Variants in HK3 observed in about 807,000 individuals in gnomAD.
The protein encoded by HK3 is hexokinase-3.
A neutral mutation model predicts 91.0 loss-of-function variants in HK3; 93 were observed. The observed-to-expected ratio is 1.02, with a 90% CI of 0.86 to 1.21. The LOEUF is 1.21. HK3 is among the 50% of genes most tolerant of loss of function. The pLI, the probability that HK3 is intolerant of heterozygous loss-of-function variation, is 0.00. For missense variants in HK3, 1,235 were observed against 1,247.4 expected (o/e 0.99, Z 0.15); for synonymous variants, 519 against 516.9 (o/e 1.00, Z -0.06).
chr5:176,888,556 A>T lies in HK3; in HGVS notation c.1080T>A (p.Thr360=). The change falls in exon 10 of 19, where the codon ACT becomes ACA. Residue 360 remains threonine, a synonymous_variant. Transcript: ENST00000292432. ...EHVAEMEDPS[T]GAARVHAILQ... is the part of the protein sequence containing the mutation. ...GGATAGCATGGACACGGGCTGCCCC[A>T]GTAGAGGGGCTGGAGGGGAAAGGGA... The T allele has an allele frequency of 1.3e-6, 2 of 1,565,364 alleles. No individual in the cohort carries two copies. Among genetic ancestry groups the T allele is most frequent in the Non-Finnish European group, 1.7e-6 (2 of 1,153,806 alleles).
chr5:176,886,908 C>A, intron 13 of HK3, 94 bp downstream of exon 13: 1 of 1,466,464 alleles, frequency 6.8e-7, no homozygotes, highest in South Asian at 1.3e-5. Context: ...AGACCCGCCA[C>A]CGCCCAGCCT....
chr5:176,889,400 G>A lies in HK3; in HGVS notation c.895C>T (p.Leu299=), dbSNP rs1282013415. ...GGTCACCTCTGAGCACCAGGATTCA[G>A]GGACTCATGGTCCAGGGTATGGTCG... ...TFDHTLDHES[L]NPGAQRFEKM... is the part of the protein sequence containing the mutation. Residue 299 remains leucine, a synonymous_variant, in exon 8 of 19, where the codon CTG becomes TTG. Coordinates refer to ENST00000292432, the MANE Select transcript of HK3 (RefSeq NM_002115.3). The A allele has an allele frequency of 6.2e-7, 1 of 1,614,064 alleles. No individual in the cohort carries two copies. Among genetic ancestry groups the A allele is most frequent in the East Asian group, 2.2e-5 (1 of 44,884 alleles).
chr5:176,881,259 A>C (rs747737741), intron 18 of HK3, 42 bp from the exon 19 acceptor site: 34 of 1,613,072 alleles, frequency 2.1e-5, no homozygotes, highest in Middle Eastern at 3.3e-4. Flanking sequence ...CACCAGCCCC[A>C]CCTGGCCACA....
rs142308218 is a variant in HK3, at chr5:176,881,716, G to T, written c.2369C>A (p.Thr790Asn). ...QRLQTRDIFKTKFLSEIESDS... is the reference protein window; with the variant it reads ...QRLQTRDIFKNKFLSEIESDS... ...CCTTTCGATCTCAGAGAGGAACTTGGTCTTGAAGATGTCCCTGGTCTGAAG... is the reference window on the plus strand; with the variant it reads ...CCTTTCGATCTCAGAGAGGAACTTGTTCTTGAAGATGTCCCTGGTCTGAAG... Residue 790 changes from threonine to asparagine, a missense_variant, in exon 17 of 19, where the codon ACC becomes AAC. Thr to Asn is a moderately conservative substitution (Grantham distance 65). Around this residue, in one of 3 missense-constraint regions of HK3, gnomAD observed 513 missense variants for 477.4 expected, o/e 1.07. Coordinates refer to ENST00000292432, the MANE Select transcript of HK3 (RefSeq NM_002115.3). The T allele has an allele frequency of 1.9e-6, 3 of 1,613,990 alleles. No individual in the cohort carries two copies. Among genetic ancestry groups the T allele is most frequent in the Non-Finnish European group, 2.5e-6 (3 of 1,180,038 alleles).
rs745623940 is a variant in HK3 at position 176,881,992 on chromosome 5, C to A, written c.2189G>T (p.Arg730Leu). The change falls in exon 16 of 19, where the codon CGC (arginine) becomes CTC (leucine). Residue 730 changes from arginine to leucine, a missense_variant. This residue lies in a region of HK3 where 513 missense variants were observed against 477.4 expected (regional missense o/e 1.07). Coordinates refer to ENST00000292432, the MANE Select transcript of HK3 (RefSeq NM_002115.3). ...DDGSLAMLST[R>L]FDASVDQASI... The stretch of plus-strand genomic sequence containing the variant: ...CGCCTGGTCCACACTTGCATCAAAG[C>A]GGGTGCTGAGCATGGCCAGAGAGCC... The A allele has an allele frequency of 1.4e-5, 23 of 1,613,554 alleles. No homozygotes were observed. In the South Asian group the frequency reaches 1.8e-4, roughly 12 times the overall value.
intron 2 of HK3, among the ~76,000 whole-genome samples, chr5:176,893,626 T>C (rs940727780): frequency 6.6e-6 from 1 of 152,154 alleles, no homozygotes; most frequent in African/African-American, 2.4e-5. Flanking sequence ...CCAAGTGCCA[T>C]TGGGATGGGA....
At chr5:176,892,059 A>C (rs1328956463) in intron 2 of HK3, among the ~76,000 whole-genome samples, 1 of 152,190 alleles carries the variant, frequency 6.6e-6, no homozygotes, top group Non-Finnish European at 1.5e-5. Context: ...TCCTTTTTTC[A>C]GTCAGTCATC....
At chr5:176,883,684 G>T in intron 15 of HK3, 86 bp downstream of exon 15, 2 of 1,084,886 alleles carry the variant, frequency 1.8e-6, no homozygotes, top group Non-Finnish European at 2.8e-6. Context: ...CATCCCCACC[G>T]CCAAGGAAAC....
At chr5:176,892,384 TG>T (rs1275953948) in intron 2 of HK3, among the ~76,000 whole-genome samples, 1 of 151,930 alleles carries the variant, frequency 6.6e-6, no homozygotes, top group Non-Finnish European at 1.5e-5. Context: ...AGCAAGGGGA[TG>T]GATTTGGAGA....
Position 176,884,014 on chromosome 5 carries a change from A to C in HK3, c.1953+25T>G. 1 of 1,610,484 alleles carries C rather than the reference A, an allele frequency of 6.2e-7. No homozygotes were observed. The highest frequency in any genetic ancestry group is 8.5e-7 in the Non-Finnish European group (1 of 1,176,796). On this transcript the variant is annotated intron_variant, in intron 14 of 18. Transcript: ENST00000292432. The surrounding 1 kb of genome is among the most constrained non-coding windows in gnomAD (Gnocchi z 4.1). ...CCCCTCAAGGCCTGCCACAGCCCCA[A>C]AGCACCCCTAGAACAGGCTCCTACC...
intron 8 of HK3, 97 bp from the exon 9 acceptor site, chr5:176,888,961 G>A: frequency 2.1e-6 from 3 of 1,418,548 alleles, no homozygotes; most frequent in South Asian, 2.7e-5. Context: ...TCTTTTCTTT[G>A]GGGCTCCCAA....
rs1414206975 is a variant in HK3, at chr5:176,896,106, G to A, written c.54C>T (p.Cys18=). The A allele has an allele frequency of 6.2e-6, 10 of 1,613,366 alleles. No homozygotes were observed. Among genetic ancestry groups the A allele is most frequent in the Admixed American group, 1.7e-5 (1 of 59,850 alleles). The change falls in exon 2 of 19, where the codon TGC becomes TGT. Residue 18 remains cysteine (C), a synonymous_variant. Coordinates refer to ENST00000292432, the MANE Select transcript of HK3 (RefSeq NM_002115.3). ...AGGGCCCGGGCAAGCCCTCCTCAGA[G>A]CAACTCAGGGTTTCTTCCCCCTGCC... ...GLRQGEETLS[C]SEEGLPGPSD... is the part of the protein sequence containing the mutation.
At chr5:176,889,286 G>T in intron 8 of HK3, 95 bp downstream of exon 8, 1 of 1,356,826 alleles carries the variant, frequency 7.4e-7, no homozygotes, top group South Asian at 1.4e-5. Context: ...ACAGGGAGGG[G>T]CCTAAGGGCC....
At chr5:176,896,801 C>T (rs778894428) in intron 1 of HK3, among the ~76,000 whole-genome samples, 5 of 152,254 alleles carry the variant, frequency 3.3e-5, no homozygotes, top group African/African-American at 7.2e-5. Context: ...TGACCTTGGA[C>T]GTCATTTATG....
chr5:176,896,048 C>A lies in HK3; in HGVS notation c.96+16G>T. 6.2e-7 allele frequency: 1 copy of A among 1,604,330 alleles called. No individual in the cohort carries two copies. The stretch of plus-strand genomic sequence containing the variant: ...CCTTAGACAAGCATGAAACAGGAAC[C>A]CAGTGCTGAACTTACCAGCTCTGAG... On this transcript the variant is annotated intron_variant, in intron 2 of 18. Coordinates refer to ENST00000292432, the MANE Select transcript of HK3 (RefSeq NM_002115.3).
rs200491262 is a variant in HK3, at chr5:176,881,466, G to A, written c.2463C>T (p.Asp821=). The change falls in exon 18 of 19, where the codon GAC becomes GAT. Residue 821 remains aspartate, a synonymous_variant. Coordinates refer to ENST00000292432, the MANE Select transcript of HK3 (RefSeq NM_002115.3). ...EDLGLPLTSD[D]ALMVLEVCQA... The stretch of plus-strand genomic sequence containing the variant: ...GGCACACCTCTAGCACCATCAGGGC[G>A]TCATCTGAGGTCAGGGGTAGCCCCA... The A allele has an allele frequency of 2.6e-4, 411 of 1,608,446 alleles. No homozygotes were observed. The highest frequency in any genetic ancestry group is 3.1e-4 in the Non-Finnish European group (368 of 1,179,998).
intron 14 of HK3, 84 bp downstream of exon 14, chr5:176,883,955 G>A (rs1251308632): frequency 1.1e-5 from 17 of 1,581,440 alleles, no homozygotes. Flanking sequence ...TACCGCAGAG[G>A]GCTCCCCCCT....
Position 176,882,034 on chromosome 5 carries a change from C to T in HK3, c.2147G>A (p.Gly716Asp), listed in dbSNP as rs1359834303. 12 of 1,613,238 alleles carry T rather than the reference C, an allele frequency of 7.4e-6. No individual in the cohort carries two copies. Among genetic ancestry groups the T allele is most frequent in the Non-Finnish European group, 1.0e-5 (12 of 1,180,024 alleles). ...CAGAGAGCCATCGTCCCCAAAGGCG[C>T]CCCACTCCATGTTGATGCACATGCG... ...SGRMCINMEW[G>D]AFGDDGSLAM... The change falls in exon 16 of 19, where the codon GGC (glycine) becomes GAC (aspartate). Residue 716 changes from glycine (G) to aspartate (D), a missense_variant. This residue lies in a region of HK3 where 513 missense variants were observed against 477.4 expected (regional missense o/e 1.07). Coordinates refer to ENST00000292432, the MANE Select transcript of HK3 (RefSeq NM_002115.3).
Position 176,887,828 on chromosome 5 carries a change from C to G in HK3, c.1305-82G>C. Reference sequence around the variant, plus strand: ...TGTGCACGGCTTGGCCCTGGACCCCCAGATACATACAGGTGTGCCCAGCTT... The same window carrying G: ...TGTGCACGGCTTGGCCCTGGACCCCGAGATACATACAGGTGTGCCCAGCTT... On this transcript the variant is annotated intron_variant, in intron 10 of 18. Transcript: ENST00000292432. This position sits in a 1 kb window ranked among gnomAD's most constrained non-coding sequence, Gnocchi z 4.9. 7.0e-7 allele frequency: 1 copy of G among 1,434,022 alleles called. No individual in the cohort carries two copies. The highest frequency in any genetic ancestry group is 9.5e-7 in the Non-Finnish European group (1 of 1,052,996). 88.8% of individuals were successfully genotyped at this position (1,434,022 alleles called of 1,614,324 possible).
Sources: gnomAD v4.1 joint callset for allele counts (sites outside exome capture counted in the v4.1 genomes callset) on GRCh38, gnomAD v4.1.1 for gene constraint, gnomAD v4.1.1 regional missense constraint, Gnocchi (gnomAD v3.1) non-coding constraint, MANE v1.5 for transcripts, NCBI Gene and HGNC (gene_info 2026-07-23, HGNC 2026-07-21) for gene names.